CDKAL1: variants seen among roughly 807,000 people sequenced by gnomAD.
CDKAL1 encodes CDKAL1 threonylcarbamoyladenosine tRNA methylthiotransferase.
CDKAL1 carries 32 observed loss-of-function variants against 68.2 expected under a neutral mutation model. The ratio of observed to expected loss-of-function variants is 0.47; its 90% CI spans 0.35 to 0.63. CDKAL1 has a LOEUF of 0.63. Ranked by LOEUF, CDKAL1 falls within the 30% of genes least tolerant of loss-of-function variation. CDKAL1 has a pLI of 0.00. For synonymous variants in CDKAL1, 234 were observed against 244.3 expected (o/e 0.96, Z 0.39); for missense variants, 606 against 696.7 (o/e 0.87, Z 1.47).
At chr6:20,810,731 C>A (rs1458089845) in intron 8 of CDKAL1, among the ~76,000 whole-genome samples, 1 of 149,564 alleles carries the variant, frequency 6.7e-6, no homozygotes, top group African/African-American at 2.5e-5. Flanking sequence ...ACAAAACAAC[C>A]CAATAACATT....
intron 6 of CDKAL1, among the ~76,000 whole-genome samples, chr6:20,755,779 A>G (rs1774142530): frequency 6.6e-6 from 1 of 152,220 alleles, no homozygotes; most frequent in Admixed American, 6.5e-5. Flanking sequence ...AGTTATTGTT[A>G]TAAATTCATG....
intron 9 of CDKAL1, among the ~76,000 whole-genome samples, chr6:20,930,257 T>TA (rs5874794): frequency 1.2e-4 from 18 of 150,280 alleles, no homozygotes; most frequent in African/African-American, 2.9e-4. Context: ...AAACGTGAAT[T>TA]AAAAAAAAAA....
At chr6:20,693,129 CAAAAAAAAAAA>C (rs70990059) in intron 5 of CDKAL1, among the ~76,000 whole-genome samples, 127 of 67,610 alleles carry the variant, frequency 1.9e-3, no homozygotes, top group Non-Finnish European at 2.6e-3. Context: ...GACTCTGTCT[CAAAAAAAAAAA>C]AAAAAAAAAA....
intron 9 of CDKAL1, among the ~76,000 whole-genome samples, chr6:20,878,451 C>G (rs1032567053): frequency 7.9e-5 from 12 of 152,158 alleles, no homozygotes; most frequent in African/African-American, 2.9e-4. Context: ...TTAAAGCCAA[C>G]CTTAGCGGCC....
intron 13 of CDKAL1, among the ~76,000 whole-genome samples, chr6:21,151,764 A>G (rs529948197): frequency 2.0e-5 from 3 of 152,310 alleles, no homozygotes; most frequent in Admixed American, 6.5e-5. Flanking sequence ...GACAAGAGCC[A>G]TATCTTACAT....
At chr6:21,111,534 G>C (rs144713882) in intron 13 of CDKAL1, among the ~76,000 whole-genome samples, 1 of 152,176 alleles carries the variant, frequency 6.6e-6, no homozygotes, top group Non-Finnish European at 1.5e-5. Context: ...AAGTCACCAG[G>C]TTAAACAAAC....
chr6:20,835,453 T>C (rs1777891938), intron 8 of CDKAL1, among the ~76,000 whole-genome samples: 1 of 152,094 alleles, frequency 6.6e-6, no homozygotes, highest in Non-Finnish European at 1.5e-5. Context: ...GCCTGTGTAC[T>C]GGAACTCCTT....
chr6:20,896,629 A>G (rs1761706788), intron 9 of CDKAL1, among the ~76,000 whole-genome samples: 1 of 152,226 alleles, frequency 6.6e-6, no homozygotes. Context: ...TGGCTTAGAA[A>G]TAAATATATA....
intron 11 of CDKAL1, among the ~76,000 whole-genome samples, chr6:21,025,201 T>C (rs1212924806): frequency 6.6e-6 from 1 of 152,222 alleles, no homozygotes; most frequent in Non-Finnish European, 1.5e-5. Flanking sequence ...CAGTCACCTC[T>C]TCTCCATCCT....
At chr6:20,955,074 G>T (rs1459643802) in intron 9 of CDKAL1, among the ~76,000 whole-genome samples, 3 of 152,130 alleles carry the variant, frequency 2.0e-5, no homozygotes, top group Non-Finnish European at 4.4e-5. Flanking sequence ...TCAGTTCCAG[G>T]GCTTAGAGTG....
intron 7 of CDKAL1, among the ~76,000 whole-genome samples, chr6:20,775,294 A>C (rs1206267285): frequency 6.6e-6 from 1 of 150,710 alleles, no homozygotes; most frequent in Non-Finnish European, 1.5e-5. Context: ...TGATATAAAA[A>C]CTCACTCCCT....
At chr6:20,913,158 C>CACACAT (rs1229681370) in intron 9 of CDKAL1, among the ~76,000 whole-genome samples, 9,470 of 145,536 alleles carry the variant, frequency 0.065, 408 homozygotes, top group Non-Finnish European at 0.09. Flanking sequence ...CACACACACA[C>CACACAT]ATTACCACAA....
At chr6:20,573,409 G>A (rs1463707735) in intron 4 of CDKAL1, among the ~76,000 whole-genome samples, 1 of 151,934 alleles carries the variant, frequency 6.6e-6, no homozygotes, top group Non-Finnish European at 1.5e-5. Context: ...TTCAGCTAAG[G>A]AGTTTTTTAT....
At chr6:20,541,735 A>G (rs1763396374) in intron 2 of CDKAL1, among the ~76,000 whole-genome samples, 1 of 152,146 alleles carries the variant, frequency 6.6e-6, no homozygotes, top group South Asian at 2.1e-4. Flanking sequence ...ATCTCGGCTA[A>G]CCAAAACCTC....
At chr6:21,202,410 T>A (rs1262249766) in intron 15 of CDKAL1, among the ~76,000 whole-genome samples, 2 of 150,514 alleles carry the variant, frequency 1.3e-5, no homozygotes, top group African/African-American at 2.4e-5. Flanking sequence ...AAAAAAAAAA[T>A]TGTACTTGGG....
At chr6:20,853,455 A>T (rs1759149809) in intron 9 of CDKAL1, among the ~76,000 whole-genome samples, 1 of 151,954 alleles carries the variant, frequency 6.6e-6, no homozygotes, top group Non-Finnish European at 1.5e-5. Flanking sequence ...TTCCATGGTC[A>T]ATTCTGGGGG....
chr6:20,835,000 A>G (rs1344978500), intron 8 of CDKAL1, among the ~76,000 whole-genome samples: 11 of 152,194 alleles, frequency 7.2e-5, no homozygotes. Flanking sequence ...GTGTTGATGA[A>G]AAAAGCCAGA....
chr6:20,748,555 G>GGAAAAAAAAAAAAAAA (rs1773766913), intron 6 of CDKAL1, among the ~76,000 whole-genome samples: 2 of 28,742 alleles, frequency 7.0e-5, no homozygotes, highest in African/African-American at 2.3e-4. Flanking sequence ...TCTGTTTCTG[G>GGAAAAAAAAAAAAAAA]AAAAAAAAAA....
At chr6:20,800,628 T>C (rs1776327612) in intron 8 of CDKAL1, 1 of 152,320 alleles carries the variant, frequency 6.6e-6, no homozygotes, top group South Asian at 2.1e-4. Flanking sequence ...TCCTTCTTTT[T>C]TGAGGGTGGT....
Sources: allele counts gnomAD v4.1 joint callset (sites outside exome capture counted in the v4.1 genomes callset), GRCh38; gene constraint gnomAD v4.1.1; transcripts MANE v1.5; gene names NCBI Gene and HGNC (gene_info 2026-07-23, HGNC 2026-07-21).